The following DDR2 variants were observed in gnomAD, a reference collection of about 807,000 sequenced individuals.
DDR2 encodes the protein discoidin domain receptor tyrosine kinase 2, also known as discoidin domain-containing receptor 2.
In DDR2, 27 loss-of-function variants were observed where a neutral mutation model predicts 94.9. The observed-to-expected ratio is 0.28, with a 90% CI of 0.21 to 0.39. The LOEUF (loss-of-function observed/expected upper bound fraction) is 0.39. DDR2 is among the 10% of genes least tolerant of loss of function. The pLI is 1.00. For missense variants in DDR2, 783 were observed against 1,076.0 expected (o/e 0.73, Z 3.81); for synonymous variants, 382 against 377.2 (o/e 1.01, Z -0.15).
At chr1:162,763,969 T>C (rs1663875096) in intron 9 of DDR2, among the ~76,000 whole-genome samples, 1 of 152,246 alleles carries the variant, frequency 6.6e-6, no homozygotes, top group South Asian at 2.1e-4. Flanking sequence ...AACGTAACTA[T>C]TGAACATTAA....
At chr1:162,658,224 G>A (rs1288040701) in intron 2 of DDR2, among the ~76,000 whole-genome samples, 7 of 152,130 alleles carry the variant, frequency 4.6e-5, no homozygotes, top group Non-Finnish European at 5.9e-5. Context: ...TGCTGTGCAC[G>A]CTTTCTAGGG....
At chr1:162,634,643 A>G (rs1304677033) in intron 1 of DDR2, among the ~76,000 whole-genome samples, 2 of 152,096 alleles carry the variant, frequency 1.3e-5, no homozygotes, top group Non-Finnish European at 2.9e-5. Context: ...CTCCCGGGGG[A>G]ATATTCCTGA....
chr1:162,726,975 A>C (rs1451667417), intron 3 of DDR2, among the ~76,000 whole-genome samples: 7 of 151,022 alleles, frequency 4.6e-5, no homozygotes, highest in Admixed American at 3.3e-4. Flanking sequence ...TGTAAGAAAC[A>C]TAGATTGATA....
In DDR2 at chr1:162,767,807, G is replaced by GGTGTGTGTGTGT. The variant is rs145645107; in HGVS notation, c.1293+463_1293+474dup. ...TCTTTTTCACTTTGCTTGTCTGTTT[G>GGTGTGTGTGTGT]GTGTGTGTGTGTGTGTGTGTGTGTG... On this transcript the variant is annotated intron_variant, in intron 11 of 17. Coordinates refer to ENST00000367921, the MANE Select transcript of DDR2 (RefSeq NM_006182.4). Among the ~76,000 whole-genome samples, 73 of 149,558 alleles carry GGTGTGTGTGTGT rather than the reference G, an allele frequency of 4.9e-4. No homozygotes were observed. The East Asian group carries it at 0.012, about 25-fold the overall frequency.
intron 1 of DDR2, among the ~76,000 whole-genome samples, chr1:162,638,779 G>A (rs1227099636): frequency 6.6e-6 from 1 of 152,156 alleles, no homozygotes; most frequent in Non-Finnish European, 1.5e-5. Flanking sequence ...ATTCACTCAA[G>A]AATAGCAATC....
intron 2 of DDR2, among the ~76,000 whole-genome samples, chr1:162,670,333 C>T (rs187031518): frequency 2.4e-4 from 36 of 152,288 alleles, no homozygotes; most frequent in Non-Finnish European, 4.3e-4. Context: ...GTCTGGAACT[C>T]CTGACCTCGT....
upstream of DDR2, among the ~76,000 whole-genome samples, chr1:162,632,246 A>G (rs1429616314): frequency 1.3e-5 from 2 of 152,038 alleles, no homozygotes; most frequent in South Asian, 2.1e-4. Flanking sequence ...ATGGTTATAC[A>G]TATTTTTTCT....
intron 2 of DDR2, among the ~76,000 whole-genome samples, chr1:162,711,507 T>G: frequency 6.6e-6 from 1 of 152,206 alleles, no homozygotes; most frequent in African/African-American, 2.4e-5. Flanking sequence ...AAAAAGTTGT[T>G]TTTTGCAATG....
intron 2 of DDR2, among the ~76,000 whole-genome samples, chr1:162,657,136 G>A (rs1324431466): frequency 6.6e-6 from 1 of 151,846 alleles, no homozygotes; most frequent in Non-Finnish European, 1.5e-5. Context: ...CACCATGCCT[G>A]GGCACCAATC....
intron 3 of DDR2, among the ~76,000 whole-genome samples, chr1:162,751,298 G>GAA (rs900048238): frequency 6.6e-6 from 1 of 151,642 alleles, no homozygotes; most frequent in Non-Finnish European, 1.5e-5. Flanking sequence ...ACATTTATAA[G>GAA]AAAAAAAATC....
chr1:162,756,494 C>T (rs1288486322), intron 7 of DDR2, among the ~76,000 whole-genome samples: 1 of 152,210 alleles, frequency 6.6e-6, no homozygotes, highest in East Asian at 1.9e-4. Context: ...AGCCTTTAAG[C>T]CTTGCCATTC....
intron 2 of DDR2, among the ~76,000 whole-genome samples, chr1:162,671,659 T>C (rs1327601777): frequency 6.6e-6 from 1 of 152,184 alleles, no homozygotes; most frequent in Non-Finnish European, 1.5e-5. Context: ...CCTTTCTAAT[T>C]AGCCTTTCTA....
rs745929055 is a variant in DDR2, at chr1:162,775,575, C to G, written c.1857-77C>G. On this transcript the variant is annotated intron_variant, in intron 14 of 17. Transcript: ENST00000367921. ...ATTTGGCATAATGTCCAGGAATAGG[C>G]CTTGGTGTGCATTCTTCTCTCTCTT... 1.9e-4 allele frequency: 283 copies of G among 1,490,004 alleles called. 1 individual carries two copies. Among genetic ancestry groups the G allele is most frequent in the Non-Finnish European group, 1.8e-4 (193 of 1,072,946 alleles). The allele number at this position is 1,490,004 out of a possible 1,614,324, so 92.3% of individuals were successfully genotyped here.
chr1:162,640,689 TAA>T (rs1020504983), intron 1 of DDR2, among the ~76,000 whole-genome samples: 1 of 152,202 alleles, frequency 6.6e-6, no homozygotes, highest in African/African-American at 2.4e-5. Context: ...ATAAGTACCC[TAA>T]ACTTAAATGA....
At chr1:162,759,133 G>C (rs1169082402) in intron 7 of DDR2, among the ~76,000 whole-genome samples, 1 of 152,006 alleles carries the variant, frequency 6.6e-6, no homozygotes, top group Non-Finnish European at 1.5e-5. Flanking sequence ...CTTACTTCCT[G>C]GGTCTAGTAT....
At chr1:162,777,570 T>A (rs1647644875) in intron 16 of DDR2, among the ~76,000 whole-genome samples, 1 of 152,198 alleles carries the variant, frequency 6.6e-6, no homozygotes, top group African/African-American at 2.4e-5. Context: ...TAGGCATTAC[T>A]CTCCCTAAAG....
intron 2 of DDR2, among the ~76,000 whole-genome samples, chr1:162,661,200 G>C (rs1378723600): frequency 2.6e-5 from 4 of 152,064 alleles, no homozygotes; most frequent in Admixed American, 2.6e-4. Context: ...TCAAAGAAAT[G>C]GTTATAATTT....
Position 162,781,178 on chromosome 1 carries a change from T to C in DDR2, c.*932T>C, listed in dbSNP as rs1229544111. ...AAAGTCTGATGTTTTGATATCTTGA[T>C]GTTTTGATGGTAGACTCTTGAGTTC... On this transcript the variant is annotated 3_prime_UTR_variant, in exon 18 of 18. Coordinates refer to ENST00000367921, the MANE Select transcript of DDR2 (RefSeq NM_006182.4). 1 of 152,250 alleles carries C rather than the reference T, an allele frequency of 6.6e-6. No homozygotes were observed. The highest frequency in any genetic ancestry group is 1.5e-5 in the Non-Finnish European group (1 of 68,052). The allele number at this position is 152,250 out of a possible 1,614,324, so 9.4% of individuals were successfully genotyped here. A position where few individuals can be genotyped will look rare whatever the true frequency, so the allele number is the denominator to read the frequency against.
intron 2 of DDR2, among the ~76,000 whole-genome samples, chr1:162,702,457 T>C (rs1004518157): frequency 3.2e-4 from 48 of 152,294 alleles, no homozygotes; most frequent in South Asian, 6.2e-4. Flanking sequence ...TGAATAGATA[T>C]TCCCTACCCA....
Sources: allele counts gnomAD v4.1 joint callset (sites outside exome capture counted in the v4.1 genomes callset), GRCh38; gene constraint gnomAD v4.1.1; transcripts MANE v1.5; gene names NCBI Gene and HGNC (gene_info 2026-07-23, HGNC 2026-07-21).